The following SLC4A2 variants were observed in gnomAD, a reference collection of about 807,000 sequenced individuals.
The protein encoded by SLC4A2 is solute carrier family 4 member 2, also known as anion exchange protein 2.
Under a neutral mutation model 115.0 loss-of-function variants are expected in SLC4A2, and 36 were observed. That is an observed-to-expected ratio of 0.31 (90% CI 0.24 to 0.41). The LOEUF (loss-of-function observed/expected upper bound fraction) is 0.41, where lower values mean the gene tolerates loss of function less well. Among genes scored for constraint, SLC4A2 ranks in the 10% least tolerant of loss-of-function variants. The pLI, the probability that SLC4A2 is intolerant of heterozygous loss-of-function variation, is 1.00. For missense variants in SLC4A2, 1,252 were observed against 1,705.6 expected, an observed-to-expected ratio of 0.73 and a Z score of 4.68; for synonymous variants, 708 against 708.3, an observed-to-expected ratio of 1.00 and a Z score of 0.01.
At chr7:151,069,582 G>A (rs1014521956) in intron 8 of SLC4A2, among the ~76,000 whole-genome samples, 8 of 152,190 alleles carry the variant, frequency 5.3e-5, no homozygotes, top group African/African-American at 1.4e-4. Context: ...TTAGAGGAGA[G>A]TTTTCTAACA....
chr7:151,068,085 G>A lies in SLC4A2; in HGVS notation c.1147+31G>A, dbSNP rs771943542. Reference sequence around the variant, plus strand: ...CCCGCTCCCCTCCACCTCCCGCCTGGCCAGTCCCCAGGAAATTCTCCCACA... The same window carrying A: ...CCCGCTCCCCTCCACCTCCCGCCTGACCAGTCCCCAGGAAATTCTCCCACA... On this transcript the variant is annotated intron_variant, in intron 8 of 22. Transcript: ENST00000413384. 8 of 1,416,420 alleles carry A rather than the reference G, an allele frequency of 5.6e-6. No homozygotes were observed. The South Asian group carries it at 1.1e-4, about 20-fold the overall frequency. 87.7% of individuals were successfully genotyped at this position (1,416,420 alleles called of 1,614,324 possible).
At position 151,066,971 on chromosome 7, in the gene SLC4A2, G is replaced by A. The variant is rs529335890; in HGVS notation, c.944G>A (p.Arg315Gln). 34 of 1,605,414 alleles carry A rather than the reference G, an allele frequency of 2.1e-5. No homozygotes were observed. Among genetic ancestry groups the A allele is most frequent in the Non-Finnish European group, 2.7e-5 (32 of 1,177,130 alleles). Residue 315 changes from arginine to glutamine, a missense_variant, in exon 7 of 23, where the codon CGG becomes CAG. Arg to Gln is a conservative substitution (Grantham distance 43). Around this residue, in one of 14 missense-constraint regions of SLC4A2, gnomAD observed 48 missense variants for 44.4 expected, o/e 1.08. Transcript: ENST00000413384. ...EPGPTPRARPRAPHKPHEVFV... is the reference protein window; with the variant it reads ...EPGPTPRARPQAPHKPHEVFV... ...GGCCCCACACCTCGGGCCCGACCCC[G>A]GGCCCCCCACAAGCCCCATGAGGTA...
chr7:151,062,196 A>AG (rs537226715), intron 2 of SLC4A2, among the ~76,000 whole-genome samples, 158 bp downstream of exon 2: 1 of 152,014 alleles, frequency 6.6e-6, no homozygotes, highest in African/African-American at 2.4e-5. Context: ...TGATGGTCGT[A>AG]GGGGGGGATG....
upstream of SLC4A2, among the ~76,000 whole-genome samples, chr7:151,059,372 C>T (rs944910605): frequency 6.6e-6 from 1 of 152,178 alleles, no homozygotes; most frequent in African/African-American, 2.4e-5. This position sits in a 1 kb window ranked among gnomAD's most constrained non-coding sequence, Gnocchi z 5.8. Flanking sequence ...GGATCCCTAG[C>T]GTGAGAAGGG....
In SLC4A2 at chr7:151,066,762, G is replaced by A; in HGVS notation, c.823+1G>A. On this transcript the variant is annotated splice_donor_variant, in intron 6 of 22. Transcript: ENST00000413384. LOFTEE classifies it high-confidence loss of function. ...ACGGCCGACCTAGACCTCATGAAGAGTAAGTGCTGGGCCTTGGCCAAGCCC... is the reference window on the plus strand; with the variant it reads ...ACGGCCGACCTAGACCTCATGAAGAATAAGTGCTGGGCCTTGGCCAAGCCC... 1 of 1,573,812 alleles carries A rather than the reference G, an allele frequency of 6.4e-7. No individual in the cohort carries two copies. Among genetic ancestry groups the A allele is most frequent in the Non-Finnish European group, 8.6e-7 (1 of 1,159,428 alleles).
chr7:151,073,309 CAG>C, intron 16 of SLC4A2, among the ~76,000 whole-genome samples: 1 of 144,956 alleles, frequency 6.9e-6, no homozygotes, highest in East Asian at 2.2e-4. Context: ...TTTTTTGAGA[CAG>C]AGTCTTGCTC....
chr7:151,075,076 A>G, intron 19 of SLC4A2, 179 bp from the exon 20 acceptor site: 1 of 998,144 alleles, frequency 1.0e-6, no homozygotes. Flanking sequence ...GCTGTCATGG[A>G]CGATAAGGGC....
Position 151,059,654 on chromosome 7 carries a change from G to A in SLC4A2, c.-172G>A, listed in dbSNP as rs1441547131. 1 of 151,142 alleles carries A rather than the reference G, an allele frequency of 6.6e-6. No individual in the cohort carries two copies. Among genetic ancestry groups the A allele is most frequent in the Non-Finnish European group, 1.5e-5 (1 of 67,346 alleles). The allele number at this position is 151,142 out of a possible 1,614,324, so 9.4% of individuals were successfully genotyped here. On this transcript the variant is annotated 5_prime_UTR_variant, in exon 1 of 23. Transcript: ENST00000413384. This position sits in a 1 kb window ranked among gnomAD's most constrained non-coding sequence, Gnocchi z 5.8. ...TGAGTTGGGAGAAGTTGGGAGCGGC[G>A]GGGGCGCGCCCCGGGGTGGGCACGG... is the stretch of plus-strand genomic sequence containing the variant.
At chr7:151,058,308 C>T (rs1465485378), upstream of SLC4A2, 5 of 203,798 alleles carry the variant, frequency 2.5e-5, no homozygotes, top group South Asian at 3.1e-4. Flanking sequence ...TGGGGTTTGG[C>T]GGCCTAGATC....
chr7:151,058,238 C>T, upstream of SLC4A2: 1 of 298,122 alleles, frequency 3.4e-6, no homozygotes, highest in Non-Finnish European at 6.3e-6. Context: ...AGGGCCGCTC[C>T]GGGACTACGC....
At chr7:151,068,084 G>T in intron 8 of SLC4A2, 30 bp downstream of exon 8, 2 of 1,417,412 alleles carry the variant, frequency 1.4e-6, no homozygotes, top group Non-Finnish European at 9.2e-7. Context: ...CCTCCCGCCT[G>T]GCCAGTCCCC....
At chr7:151,062,351 C>T (rs1186236206) in intron 2 of SLC4A2, among the ~76,000 whole-genome samples, 4 of 152,192 alleles carry the variant, frequency 2.6e-5, no homozygotes, top group Non-Finnish European at 5.9e-5. Context: ...ACCCGGCTGG[C>T]CTTAGAGGCG....
Position 151,070,060 on chromosome 7 carries a change from C to T in SLC4A2, c.1261C>T (p.Arg421Trp), listed in dbSNP as rs779255145. The change falls in exon 9 of 23, where the codon CGG becomes TGG. Residue 421 changes from arginine (R) to tryptophan (W), a missense_variant. Coordinates refer to ENST00000413384, the MANE Select transcript of SLC4A2 (RefSeq NM_003040.4). ...GGCCGAGGACAGGGCCAACGTGCTG[C>T]GGGCTCTGCTGTTGAAACACAGGTG... is the stretch of plus-strand genomic sequence containing the variant. The part of the protein sequence containing the change: ...IKAEDRANVL[R>W]ALLLKHSHPS... 3.1e-6 allele frequency: 5 copies of T among 1,613,960 alleles called. No homozygotes were observed. Among genetic ancestry groups the T allele is most frequent in the East Asian group, 2.2e-5 (1 of 44,892 alleles).
At chr7:151,066,436 C>CA in intron 5 of SLC4A2, 81 bp from the exon 6 acceptor site, 1 of 1,427,152 alleles carries the variant, frequency 7.0e-7, no homozygotes, top group Non-Finnish European at 9.2e-7. Flanking sequence ...TGGGTCCCCT[C>CA]CCTGGCTACC....
chr7:151,075,919 G>A, intron 21 of SLC4A2, 94 bp from the exon 22 acceptor site: 5 of 1,461,264 alleles, frequency 3.4e-6, no homozygotes, highest in Non-Finnish European at 3.7e-6. Flanking sequence ...TGGCACCTAG[G>A]AATGTTCTTC....
At chr7:151,068,243 G>A (rs111989116) in intron 8 of SLC4A2, among the ~76,000 whole-genome samples, 189 bp downstream of exon 8, 6 of 152,234 alleles carry the variant, frequency 3.9e-5, no homozygotes, top group South Asian at 2.1e-4. Context: ...AACTGAAGCC[G>A]ATGTGTTTTG....
At chr7:151,067,078 C>T in intron 7 of SLC4A2, 85 bp downstream of exon 7, 1 of 1,370,778 alleles carries the variant, frequency 7.3e-7, no homozygotes, top group Non-Finnish European at 1.0e-6. Context: ...TCTCAAGCCT[C>T]AGGGTTGCCA....
Position 151,075,652 on chromosome 7 carries a change from C to T in SLC4A2, c.3348C>T (p.Ala1116=), listed in dbSNP as rs200652539. 7.4e-5 allele frequency: 119 copies of T among 1,606,924 alleles called. No homozygotes were observed. In the East Asian group the frequency reaches 1.2e-3, roughly 16 times the overall value. Residue 1116 remains alanine, a synonymous_variant, in exon 21 of 23, where the codon GCC becomes GCT. Coordinates refer to ENST00000413384, the MANE Select transcript of SLC4A2 (RefSeq NM_003040.4). The part of the protein sequence containing the change: ...IGDLLRQIPL[A]VLFGIFLYMG... ...ATCTGCTCCGGCAGATCCCCCTGGCCGTGCTCTTTGGAATTTTCCTGTACA... is the reference window on the plus strand; with the variant it reads ...ATCTGCTCCGGCAGATCCCCCTGGCTGTGCTCTTTGGAATTTTCCTGTACA...
rs1262370960 is a variant in SLC4A2, at chr7:151,071,844, GC to G, written c.2340+8del. 6.2e-7 allele frequency: 1 copy of G among 1,600,846 alleles called. No homozygotes were observed. Among genetic ancestry groups the G allele is most frequent in the African/African-American group, 1.3e-5 (1 of 74,128 alleles). ...TGAGGAGGCCTTCTTCTCGGTGAGG[GC>G]TCTTCTCGCCCATCTCCAGCCGCCC... On this transcript the variant is annotated splice_region_variant and intron_variant, in intron 15 of 22. Transcript: ENST00000413384. This position sits in a 1 kb window ranked among gnomAD's most constrained non-coding sequence, Gnocchi z 5.5.
Sources: gnomAD v4.1 joint callset for allele counts (sites outside exome capture counted in the v4.1 genomes callset) on GRCh38, gnomAD v4.1.1 for gene constraint, gnomAD v4.1.1 regional missense constraint, Gnocchi (gnomAD v3.1) non-coding constraint, MANE v1.5 for transcripts, NCBI Gene and HGNC (gene_info 2026-07-23, HGNC 2026-07-21) for gene names.